ZNF385D: variants seen among roughly 807,000 people sequenced by gnomAD.
ZNF385D encodes zinc finger protein 385D.
In ZNF385D, 15 loss-of-function variants were observed where a neutral mutation model predicts 35.8. The ratio of observed to expected loss-of-function variants is 0.42; its 90% CI spans 0.28 to 0.64. The LOEUF is 0.64. Ranked by LOEUF, ZNF385D falls within the 30% of genes least tolerant of loss-of-function variation. The probability of loss-of-function intolerance (pLI) is 0.23; values close to 1 mark genes in which losing one functional copy is unlikely to be tolerated. For missense variants in ZNF385D, 474 were observed against 494.6 expected (o/e 0.96, Z 0.39); for synonymous variants, 212 against 186.8 (o/e 1.13, Z -1.10).
At chr3:22,235,680 A>G (rs1475572331) in intron 2 of ZNF385D, among the ~76,000 whole-genome samples, 1 of 152,124 alleles carries the variant, frequency 6.6e-6, no homozygotes, top group Non-Finnish European at 1.5e-5. Flanking sequence ...GTATATTTGG[A>G]GTCAAAAACT....
intron 3 of ZNF385D, among the ~76,000 whole-genome samples, chr3:21,932,757 T>G (rs1701076960): frequency 6.6e-6 from 1 of 152,050 alleles, no homozygotes; most frequent in Admixed American, 6.6e-5. Flanking sequence ...GCCAACCACT[T>G]CTGATCATAT....
chr3:22,283,954 C>G lies in ZNF385D; in HGVS notation c.106+88496G>C, dbSNP rs541751629. On this transcript the variant is annotated intron_variant, in intron 2 of 5. Coordinates refer to the ZNF385D transcript ENST00000494108. ...AGGTAGAAAATAATGGTTAAGTTCCCATAATGGGATCTGGTGCCCCTTATT... is the reference window on the plus strand; with the variant it reads ...AGGTAGAAAATAATGGTTAAGTTCCGATAATGGGATCTGGTGCCCCTTATT... Among the ~76,000 whole-genome samples, 24 of 152,168 alleles carry G rather than the reference C, an allele frequency of 1.6e-4. No homozygotes were observed. In the South Asian group the frequency reaches 5.0e-3, roughly 32 times the overall value.
At position 21,993,251 on chromosome 3, in the gene ZNF385D, A is replaced by G. The variant is rs1695253187; in HGVS notation, c.325+175566T>C. ...CAAATTTTGGTTTTCCCTTAACAGA[A>G]TGTTACAAAACTCCAAGCCCAAGTT... On this transcript the variant is annotated intron_variant, in intron 3 of 5. Transcript: ENST00000494108. Among the ~76,000 whole-genome samples the G allele has an allele frequency of 2.0e-5, 3 of 152,192 alleles. No homozygotes were observed. The South Asian group carries it at 6.2e-4, about 31-fold the overall frequency.
chr3:21,917,493 G>T (rs189401558), intron 3 of ZNF385D, among the ~76,000 whole-genome samples: 1 of 152,272 alleles, frequency 6.6e-6, no homozygotes, highest in East Asian at 1.9e-4. Flanking sequence ...TGATAAAGAT[G>T]AAGGACTTGT....
chr3:21,993,340 A>G (rs963751440), intron 3 of ZNF385D, among the ~76,000 whole-genome samples: 3 of 152,120 alleles, frequency 2.0e-5, no homozygotes, highest in African/African-American at 7.2e-5. Context: ...ATCTTCTCTG[A>G]TCTCTGCACA....
intron 3 of ZNF385D, among the ~76,000 whole-genome samples, chr3:22,160,782 C>A (rs992349374): frequency 6.6e-6 from 1 of 152,054 alleles, no homozygotes; most frequent in Non-Finnish European, 1.5e-5. Flanking sequence ...GGAAACCAGG[C>A]TTAATAAATT....
rs576891304 is a variant in ZNF385D, at chr3:22,248,418, T to TA, written c.107-79384dup. 2.1e-4 allele frequency among the ~76,000 whole-genome samples: 32 copies of TA among 152,270 alleles called. No individual in the cohort carries two copies. In the South Asian group the frequency reaches 6.6e-3, roughly 32 times the overall value. On this transcript the variant is annotated intron_variant, in intron 2 of 5. Transcript: ENST00000494108. ...CTGAGGATATAGAGAAGAAAGTAGA[T>TA]ATTATATATTCACTGCCCTTCATAA...
chr3:22,182,724 T>C (rs1270385637), intron 2 of ZNF385D, among the ~76,000 whole-genome samples: 1 of 152,152 alleles, frequency 6.6e-6, no homozygotes, highest in African/African-American at 2.4e-5. Flanking sequence ...AATAAGTTTG[T>C]AGAACTAAGT....
chr3:22,049,873 C>A (rs75759566), intron 3 of ZNF385D, among the ~76,000 whole-genome samples: 97 of 152,212 alleles, frequency 6.4e-4, no homozygotes, highest in African/African-American at 2.2e-3. Context: ...GAGTTATTCT[C>A]TTAATAGGCT....
chr3:22,365,268 TAAAC>T (rs945884631), intron 2 of ZNF385D, among the ~76,000 whole-genome samples: 10 of 151,938 alleles, frequency 6.6e-5, no homozygotes, highest in African/African-American at 2.2e-4. Context: ...ATGACAAAAA[TAAAC>T]AAGATAAAGT....
intron 3 of ZNF385D, among the ~76,000 whole-genome samples, chr3:22,087,108 C>G (rs956697704): frequency 2.6e-5 from 4 of 152,080 alleles, no homozygotes; most frequent in Non-Finnish European, 5.9e-5. Flanking sequence ...CTGATCGGAG[C>G]ATGTTAATTA....
At chr3:21,739,473 A>G (rs897489044) in intron 1 of ZNF385D, among the ~76,000 whole-genome samples, 4 of 152,170 alleles carry the variant, frequency 2.6e-5, no homozygotes, top group African/African-American at 7.2e-5. Flanking sequence ...ATAAGTTGTT[A>G]CAGAGCTCAG....
chr3:21,614,839 G>A (rs767166225), intron 2 of ZNF385D, among the ~76,000 whole-genome samples: 7 of 152,196 alleles, frequency 4.6e-5, no homozygotes, highest in East Asian at 1.9e-4. Flanking sequence ...TGCCTGCCTC[G>A]GCCTCCCGAA....
chr3:21,943,702 TCAAC>T (rs1701644577), intron 3 of ZNF385D, among the ~76,000 whole-genome samples: 2 of 152,156 alleles, frequency 1.3e-5, no homozygotes, highest in Non-Finnish European at 2.9e-5. Flanking sequence ...TAGATTTTTC[TCAAC>T]CAAAGTGAGA....
At chr3:22,221,707 T>C (rs865976490) in intron 2 of ZNF385D, among the ~76,000 whole-genome samples, 2 of 152,166 alleles carry the variant, frequency 1.3e-5, no homozygotes, top group Non-Finnish European at 2.9e-5. Context: ...ATACTAATGG[T>C]TTGCAAAGCT....
intron 2 of ZNF385D, among the ~76,000 whole-genome samples, chr3:22,292,612 C>T (rs1491881): frequency 0.55 from 83,202 of 151,848 alleles, 24,961 homozygotes; most frequent in African/African-American, 0.82. Flanking sequence ...TTCTTTCACA[C>T]GGCTAATTTA....
chr3:22,008,444 C>G (rs190739726), intron 3 of ZNF385D, among the ~76,000 whole-genome samples: 5 of 150,354 alleles, frequency 3.3e-5, no homozygotes, highest in East Asian at 1.9e-4. Context: ...GCTCCGCCCC[C>G]CGGAGTTCAC....
chr3:21,872,033 T>C (rs1303737418), intron 3 of ZNF385D, among the ~76,000 whole-genome samples: 1 of 152,136 alleles, frequency 6.6e-6, no homozygotes, highest in African/African-American at 2.4e-5. Flanking sequence ...TATTTAATAA[T>C]TTTTAAAAAA....
chr3:22,254,325 A>G (rs555858489), intron 2 of ZNF385D, among the ~76,000 whole-genome samples: 2 of 152,006 alleles, frequency 1.3e-5, no homozygotes, highest in South Asian at 4.1e-4. Flanking sequence ...ATGTATGTAT[A>G]TATTTAATTT....
Sources: allele counts gnomAD v4.1 joint callset (sites outside exome capture counted in the v4.1 genomes callset), GRCh38; gene constraint gnomAD v4.1.1; transcripts MANE v1.5; gene names NCBI Gene and HGNC (gene_info 2026-07-23, HGNC 2026-07-21).